TUG1: variants seen among roughly 807,000 people sequenced by gnomAD.
TUG1 encodes taurine up-regulated 1, also known as taurine upregulated gene 1.
At chr22:30,970,193 G>C (rs924802540) in exon 1 of TUG1, 1 of 152,170 alleles carries the variant, frequency 6.6e-6, no homozygotes, top group African/African-American at 2.4e-5. Context: ...GAATTTGTGG[G>C]AATGTGCGTT....
chr22:30,975,762 A>G (rs1361587260), exon 3 of TUG1: 1 of 152,206 alleles, frequency 6.6e-6, no homozygotes, highest in Non-Finnish European at 1.5e-5. Flanking sequence ...TTGACCCTCC[A>G]TGAATACCTG....
exon 3 of TUG1, chr22:30,978,099 C>G (rs1436137162): frequency 2.0e-5 from 3 of 152,216 alleles, no homozygotes; most frequent in African/African-American, 7.2e-5. Flanking sequence ...AAAGTTTCCA[C>G]TGTACTTAAA....
exon 3 of TUG1, chr22:30,977,592 A>G (rs1062640): frequency 2.0e-5 from 3 of 152,176 alleles, no homozygotes. Flanking sequence ...AGTAAAAACT[A>G]ATTTACAGAA....
At chr22:30,977,945 C>T (rs892880058) in exon 3 of TUG1, 2 of 152,138 alleles carry the variant, frequency 1.3e-5, no homozygotes, top group African/African-American at 4.8e-5. Flanking sequence ...TGTTCATTTT[C>T]AGCACCTGGA....
exon 1 of TUG1, chr22:30,970,413 CCCCTGCT>C (rs978830542): frequency 1.3e-5 from 2 of 152,306 alleles, no homozygotes; most frequent in African/African-American, 4.8e-5. Flanking sequence ...TAACAACAGT[CCCCTGCT>C]TGGCTTCTAT....
intron 1 of TUG1, 93 bp from the exon 2 acceptor site, chr22:30,972,762 C>G (rs553618230): frequency 6.5e-6 from 1 of 153,270 alleles, no homozygotes; most frequent in Non-Finnish European, 1.5e-5. Context: ...AGCCATCAGG[C>G]TGCCGATGTG....
At chr22:30,974,306 C>G (rs180756160) in intron 2 of TUG1, 6 of 146,654 alleles carry the variant, frequency 4.1e-5, no homozygotes, top group African/African-American at 1.5e-4. Flanking sequence ...AGGAGACTTG[C>G]AGCAAATTAC....
chr22:30,971,457 T>C (rs1046155771), exon 1 of TUG1: 1 of 152,542 alleles, frequency 6.6e-6, no homozygotes, highest in African/African-American at 2.4e-5. Flanking sequence ...ATGTCCAGGA[T>C]TGGAGGTTGA....
exon 3 of TUG1, chr22:30,977,754 C>G (rs1177941997): frequency 6.6e-6 from 1 of 152,124 alleles, no homozygotes; most frequent in African/African-American, 2.4e-5. Context: ...GTGAGGACTA[C>G]AGTCAATTTC....
exon 3 of TUG1, chr22:30,978,210 C>T (rs2147374563): frequency 6.6e-6 from 1 of 152,300 alleles, no homozygotes; most frequent in African/African-American, 2.4e-5. Flanking sequence ...GACTCATGAC[C>T]ACTGAGTTTG....
At chr22:30,974,229 TAGTA>T (rs2041262134) in intron 2 of TUG1, 1 of 151,522 alleles carries the variant, frequency 6.6e-6, no homozygotes, top group African/African-American at 2.4e-5. Flanking sequence ...CCTAGTAAGA[TAGTA>T]AAGTATGTAA....
exon 1 of TUG1, chr22:30,969,491 C>T (rs1602526177): frequency 6.6e-6 from 1 of 152,198 alleles, no homozygotes; most frequent in East Asian, 1.9e-4. Context: ...CGCCGCGGCG[C>T]GCGCCCGGTG....
At chr22:30,978,816 G>A (rs1157934885) in exon 3 of TUG1, 1 of 152,144 alleles carries the variant, frequency 6.6e-6, no homozygotes, top group Non-Finnish European at 1.5e-5. Context: ...TTTCAGTTAT[G>A]TGAACCAATA....
chr22:30,971,437 A>T (rs934002998), exon 1 of TUG1: 6 of 152,668 alleles, frequency 3.9e-5, no homozygotes, highest in African/African-American at 1.4e-4. Flanking sequence ...ATTCTGTGGC[A>T]AAACATGAGA....
exon 3 of TUG1, chr22:30,976,298 A>G (rs2147369066): frequency 6.6e-6 from 1 of 152,206 alleles, no homozygotes; most frequent in East Asian, 1.9e-4. Flanking sequence ...TTCTTTTAAG[A>G]TGAATCTTTT....
At chr22:30,978,615 G>A (rs1440948105) in exon 3 of TUG1, 1 of 152,186 alleles carries the variant, frequency 6.6e-6, no homozygotes, top group Middle Eastern at 3.2e-3. Context: ...GAACTGTGGA[G>A]GAGAAGCTCT....
exon 3 of TUG1, chr22:30,979,178 T>G (rs1025567249): frequency 6.6e-6 from 1 of 152,184 alleles, no homozygotes; most frequent in African/African-American, 2.4e-5. Flanking sequence ...CATGATACAT[T>G]AGGTGAAACA....
exon 3 of TUG1, chr22:30,976,411 T>G (rs1232085861): frequency 6.6e-6 from 1 of 152,194 alleles, no homozygotes; most frequent in African/African-American, 2.4e-5. Flanking sequence ...GCTTATTGCC[T>G]ACCTTTTTGC....
exon 1 of TUG1, chr22:30,970,031 A>G (rs2041209434): frequency 6.6e-6 from 1 of 152,170 alleles, no homozygotes; most frequent in Non-Finnish European, 1.5e-5. Context: ...GGTGTACGTA[A>G]AGGATGGTTA....
Sources: gnomAD v4.1 joint callset for allele counts on GRCh38, gnomAD v4.1.1 for gene constraint, MANE v1.5 for transcripts, NCBI Gene and HGNC (gene_info 2026-07-23, HGNC 2026-07-21) for gene names.